PACSIN2: variants seen among roughly 807,000 people sequenced by gnomAD.
The protein encoded by PACSIN2 is protein kinase C and casein kinase substrate in neurons protein 2.
In PACSIN2, 25 loss-of-function variants were observed where a neutral mutation model predicts 63.8. That is an observed-to-expected ratio of 0.39 (90% CI 0.29 to 0.55). The LOEUF is 0.55. Ranked by LOEUF, PACSIN2 falls within the 20% of genes least tolerant of loss-of-function variation. PACSIN2 has a pLI of 0.62. For synonymous variants in PACSIN2, 255 were observed against 256.2 expected (o/e 1.00, Z 0.05); for missense variants, 518 against 646.9 (o/e 0.80, Z 2.16).
chr22:42,869,972 G>C lies in PACSIN2; in HGVS notation c.*1385C>G, dbSNP rs923647805. The C allele has an allele frequency of 6.6e-6, 1 of 152,406 alleles. No homozygotes were observed. Among genetic ancestry groups the C allele is most frequent in the Non-Finnish European group, 1.5e-5 (1 of 68,068 alleles). 9.4% of individuals were successfully genotyped at this position (152,406 alleles called of 1,614,324 possible). Reference sequence around the variant, plus strand: ...TCTGCTCACTGGAAACGGAGTGAATGCATAGCTGGTGACGGCGGCGGGCAC... The same window carrying C: ...TCTGCTCACTGGAAACGGAGTGAATCCATAGCTGGTGACGGCGGCGGGCAC... On this transcript the variant is annotated 3_prime_UTR_variant, in exon 11 of 11. Coordinates refer to ENST00000263246, the MANE Select transcript of PACSIN2 (RefSeq NM_001184970.3).
intron 1 of PACSIN2, among the ~76,000 whole-genome samples, chr22:42,964,528 G>C (rs1920937302): frequency 2.6e-5 from 4 of 151,992 alleles, no homozygotes; most frequent in Admixed American, 2.6e-4. Flanking sequence ...TCTTTCCCTA[G>C]CAGGCTAAAA....
intron 2 of PACSIN2, among the ~76,000 whole-genome samples, chr22:42,905,557 T>C (rs961242618): frequency 1.3e-5 from 2 of 152,270 alleles, no homozygotes; most frequent in Non-Finnish European, 2.9e-5. Flanking sequence ...TGGCTGAGCC[T>C]GACCTGCGAC....
chr22:42,896,501 T>C (rs554874432), intron 2 of PACSIN2, among the ~76,000 whole-genome samples: 5 of 152,336 alleles, frequency 3.3e-5, no homozygotes, highest in East Asian at 3.9e-4. Context: ...TGGGTAGTTA[T>C]ACCACTCTTT....
chr22:42,890,892 A>T, intron 4 of PACSIN2, 55 bp downstream of exon 4: 1 of 1,410,220 alleles, frequency 7.1e-7, no homozygotes, highest in Non-Finnish European at 1.0e-6. Context: ...TGGTGCTGCT[A>T]GTGGGGTGCC....
chr22:42,919,697 CG>C (rs1932039042), intron 1 of PACSIN2, among the ~76,000 whole-genome samples: 1 of 138,382 alleles, frequency 7.2e-6, no homozygotes, highest in African/African-American at 2.8e-5. Flanking sequence ...CACTTGAACC[CG>C]GGAAGTGGAG....
chr22:42,976,572 T>C (rs1198392974), intron 1 of PACSIN2, among the ~76,000 whole-genome samples: 2 of 152,252 alleles, frequency 1.3e-5, no homozygotes. Flanking sequence ...TCTGTATTTA[T>C]GTAGATTCTA....
In PACSIN2 at chr22:42,907,873, A is replaced by G. The variant is rs186810341; in HGVS notation, c.60+4148T>C. 1.2e-3 allele frequency among the ~76,000 whole-genome samples: 182 copies of G among 152,320 alleles called. 1 individual carries two copies. The highest frequency in any genetic ancestry group is 4.1e-3 in the African/African-American group (170 of 41,582). On this transcript the variant is annotated intron_variant, in intron 2 of 10. Transcript: ENST00000263246. ...AAGGATGGGGAAAGTATCACTCCAC[A>G]TGGATGATGAATATGAAGGTGTTCT...
chr22:42,946,173 C>T (rs1300602781), intron 1 of PACSIN2, among the ~76,000 whole-genome samples: 1 of 152,318 alleles, frequency 6.6e-6, no homozygotes, highest in East Asian at 1.9e-4. Flanking sequence ...AATAAGAATC[C>T]TTCCAATTAC....
chr22:42,931,220 G>A (rs1932771691), intron 1 of PACSIN2, among the ~76,000 whole-genome samples: 2 of 152,268 alleles, frequency 1.3e-5, no homozygotes, highest in South Asian at 4.1e-4. Flanking sequence ...TATGTGAGAA[G>A]CAGCAATGAA....
intron 1 of PACSIN2, among the ~76,000 whole-genome samples, chr22:42,967,090 A>G (rs1281492349): frequency 7.1e-6 from 1 of 140,906 alleles, no homozygotes; most frequent in Non-Finnish European, 1.5e-5. Flanking sequence ...AGGACCATGC[A>G]GGGTGACAGG....
intron 5 of PACSIN2, among the ~76,000 whole-genome samples, chr22:42,884,999 C>T (rs1464705484): frequency 6.6e-6 from 1 of 152,208 alleles, no homozygotes; most frequent in East Asian, 1.9e-4. Context: ...ATCTCTCCTT[C>T]ACAGTGTTCT....
At chr22:42,988,894 T>G (rs920846934) in intron 1 of PACSIN2, among the ~76,000 whole-genome samples, 2 of 152,174 alleles carry the variant, frequency 1.3e-5, no homozygotes, top group Non-Finnish European at 1.5e-5. Context: ...AAATTTTTTT[T>G]TTTGTTTTTG....
intron 1 of PACSIN2, among the ~76,000 whole-genome samples, chr22:42,969,922 GA>G (rs11336459): frequency 0.61 from 90,525 of 148,000 alleles, 28,033 homozygotes; most frequent in East Asian, 0.78. Flanking sequence ...AAAAGAAAAA[GA>G]AAAAAAAAAG....
chr22:42,921,295 G>A (rs1056528870), intron 1 of PACSIN2, among the ~76,000 whole-genome samples: 1 of 151,770 alleles, frequency 6.6e-6, no homozygotes, highest in African/African-American at 2.4e-5. Flanking sequence ...GGAGGTGGAG[G>A]CTGCAGTGAG....
chr22:42,951,287 C>A (rs974986212), intron 1 of PACSIN2, among the ~76,000 whole-genome samples: 6 of 152,176 alleles, frequency 3.9e-5, no homozygotes, highest in African/African-American at 1.4e-4. Context: ...ACAAGTAATT[C>A]CGGACAGTCC....
chr22:42,979,330 C>T (rs939303798), intron 1 of PACSIN2, among the ~76,000 whole-genome samples: 1 of 151,862 alleles, frequency 6.6e-6, no homozygotes, highest in Non-Finnish European at 1.5e-5. Flanking sequence ...TTGAGACCAG[C>T]CTGGTCAACA....
chr22:42,991,122 C>T (rs1272527686), intron 1 of PACSIN2, among the ~76,000 whole-genome samples: 1 of 152,180 alleles, frequency 6.6e-6, no homozygotes, highest in East Asian at 1.9e-4. Context: ...ACACTGCCCC[C>T]AGATCAAAAA....
chr22:42,969,308 G>A (rs1420868815), intron 1 of PACSIN2, among the ~76,000 whole-genome samples: 1 of 152,032 alleles, frequency 6.6e-6, no homozygotes, highest in Non-Finnish European at 1.5e-5. Context: ...AACTTTCTTT[G>A]TATTCTATAA....
chr22:42,964,971 T>C (rs1172171620), intron 1 of PACSIN2, among the ~76,000 whole-genome samples: 2 of 152,198 alleles, frequency 1.3e-5, no homozygotes, highest in African/African-American at 2.4e-5. Context: ...GCCTTCCTCA[T>C]ATGCTGCTGA....
Sources: gnomAD v4.1 joint callset for allele counts (sites outside exome capture counted in the v4.1 genomes callset) on GRCh38, gnomAD v4.1.1 for gene constraint, MANE v1.5 for transcripts, NCBI Gene and HGNC (gene_info 2026-07-23, HGNC 2026-07-21) for gene names.